The following SH3TC2 variants were observed in gnomAD, a reference collection of about 807,000 sequenced individuals.
SH3TC2 encodes SH3 domain and tetratricopeptide repeat-containing protein 2.
A neutral mutation model predicts 124.5 loss-of-function variants in SH3TC2; 87 were observed. That is an observed-to-expected ratio of 0.70 (90% CI 0.59 to 0.84). The LOEUF is 0.84. Among genes scored for constraint, SH3TC2 ranks in the 40% least tolerant of loss-of-function variants. SH3TC2 has a pLI of 0.00. For synonymous variants in SH3TC2, 634 were observed against 628.5 expected (o/e 1.01, Z -0.13); for missense variants, 1,536 against 1,566.4 (o/e 0.98, Z 0.33).
intron 1 of SH3TC2, among the ~76,000 whole-genome samples, chr5:149,053,702 C>T (rs1292611271): frequency 2.0e-5 from 3 of 152,216 alleles, no homozygotes; most frequent in African/African-American, 7.2e-5. Context: ...TTCACCTGTC[C>T]ACTTTGTGAG....
At chr5:149,008,426 C>A in intron 15 of SH3TC2, 1 of 224,692 alleles carries the variant, frequency 4.5e-6, no homozygotes, top group Non-Finnish European at 8.9e-6. Flanking sequence ...TAAAAATTAA[C>A]TAATTTAAAA....
rs578024597 is a variant in SH3TC2 at position 149,000,200 on chromosome 5, A to G, written c.*4511T>C. ...ATATATCATTTGCCCCTTTCCTGTC[A>G]CCCAGCTGAATCCCCACTTCCCTGA... On this transcript the variant is annotated 3_prime_UTR_variant, in exon 17 of 17. Coordinates refer to ENST00000515425, the MANE Select transcript of SH3TC2 (RefSeq NM_024577.4). 3.8e-4 allele frequency among the ~76,000 whole-genome samples: 58 copies of G among 152,058 alleles called. No homozygotes were observed. Among genetic ancestry groups the G allele is most frequent in the Non-Finnish European group, 6.2e-4 (42 of 68,008 alleles).
chr5:149,055,148 C>T (rs1754623763), intron 1 of SH3TC2, among the ~76,000 whole-genome samples: 1 of 151,954 alleles, frequency 6.6e-6, no homozygotes, highest in Non-Finnish European at 1.5e-5. Flanking sequence ...AAAAGTGCTA[C>T]CCTCAAAAGG....
rs1231225294 is a variant in SH3TC2, at chr5:149,003,449, T to TGAC, written c.*1259_*1261dup. ...CTCTGGCCAACAGCTAGCAAAAAAC[T>TGAC]GACTCCTAACAACAGCTGTGTGGGT... On this transcript the variant is annotated 3_prime_UTR_variant, in exon 17 of 17. Coordinates refer to ENST00000515425, the MANE Select transcript of SH3TC2 (RefSeq NM_024577.4). 6.4e-6 allele frequency: 1 copy of TGAC among 156,094 alleles called. No individual in the cohort carries two copies. The highest frequency in any genetic ancestry group is 1.9e-4 in the East Asian group (1 of 5,250). 9.7% of individuals were successfully genotyped at this position (156,094 alleles called of 1,614,324 possible).
Position 149,038,445 on chromosome 5 carries a change from T to TTTTCTCCTGGCTCATAACCCGTCAAGGCC in SH3TC2, c.822_850dup (p.Lys284ArgfsTer3), listed in dbSNP as rs1754319130. The stretch of plus-strand genomic sequence containing the variant: ...TCCCTGGTAGAAATTCAGTTCATCC[T>TTTTCTCCTGGCTCATAACCCGTCAAGGCC]TTTCTCCTGGCTCATAACCCGTCAA... On this transcript the variant is annotated stop_gained and frameshift_variant, in exon 8 of 17. Coordinates refer to ENST00000515425, the MANE Select transcript of SH3TC2 (RefSeq NM_024577.4). LOFTEE classifies it high-confidence loss of function. The TTTTCTCCTGGCTCATAACCCGTCAAGGCC allele has an allele frequency of 6.2e-7, 1 of 1,614,120 alleles. No homozygotes were observed. Among genetic ancestry groups the TTTTCTCCTGGCTCATAACCCGTCAAGGCC allele is most frequent in the South Asian group, 1.1e-5 (1 of 91,084 alleles).
Position 149,005,008 on chromosome 5 carries a change from G to C in SH3TC2, c.3676-106C>G, listed in dbSNP as rs957179039. On this transcript the variant is annotated intron_variant, in intron 16 of 16. Coordinates refer to ENST00000515425, the MANE Select transcript of SH3TC2 (RefSeq NM_024577.4). ...TCTAGTTTTTTTTGTTTGTTTGTTT[G>C]TTTGTTTGTTTGCCCAACATCCAAT... The C allele has an allele frequency of 6.8e-6, 9 of 1,324,960 alleles. No homozygotes were observed. In the African/African-American group the frequency reaches 1.2e-4, roughly 17 times the overall value. 82.1% of individuals were successfully genotyped at this position (1,324,960 alleles called of 1,614,324 possible). A position where few individuals can be genotyped will look rare whatever the true frequency, so the allele number is the denominator to read the frequency against.
intron 9 of SH3TC2, among the ~76,000 whole-genome samples, chr5:149,031,206 C>G (rs79031600): frequency 0.033 from 5,075 of 152,126 alleles, 397 homozygotes; most frequent in East Asian, 0.19. Context: ...ACAGCCCCAC[C>G]CATCTCACTG....
At chr5:149,041,858 T>C (rs964591735) in intron 5 of SH3TC2, among the ~76,000 whole-genome samples, 3 of 152,074 alleles carry the variant, frequency 2.0e-5, no homozygotes, top group African/African-American at 2.4e-5. Context: ...TAATAATCTA[T>C]GAGAAAAAGG....
intron 12 of SH3TC2, among the ~76,000 whole-genome samples, chr5:149,016,012 G>T (rs1025461566): frequency 1.3e-5 from 2 of 152,130 alleles, no homozygotes; most frequent in African/African-American, 4.8e-5. Flanking sequence ...AAGTTTTCCT[G>T]CACATTTCTA....
At chr5:149,010,145 C>A in intron 14 of SH3TC2, 125 bp downstream of exon 14, 1 of 1,378,932 alleles carries the variant, frequency 7.3e-7, no homozygotes, top group Non-Finnish European at 1.0e-6. Context: ...GGGCACTGGA[C>A]AAGAAAGAGA....
chr5:149,056,172 T>C (rs542214515), intron 1 of SH3TC2, among the ~76,000 whole-genome samples: 1 of 152,250 alleles, frequency 6.6e-6, no homozygotes, highest in South Asian at 2.1e-4. Context: ...GGTAAACTTA[T>C]ATCATGGAGG....
In SH3TC2 at chr5:148,983,313, G is replaced by A. The variant is rs566990245; in HGVS notation, c.*21398C>T. 6.6e-6 allele frequency among the ~76,000 whole-genome samples: 1 copy of A among 152,282 alleles called. No individual in the cohort carries two copies. Among genetic ancestry groups the A allele is most frequent in the East Asian group, 1.9e-4 (1 of 5,180 alleles). On this transcript the variant is annotated 3_prime_UTR_variant, in exon 17 of 17. Transcript: ENST00000515425. ...CACTCTCTCCATCTCTCTGAAGAGG[G>A]GCACCTGGGTGTCATGAATACACCT...
rs1277722621 is a variant in SH3TC2, at chr5:148,997,886, T to C, written c.*6825A>G. Among the ~76,000 whole-genome samples, 1 of 152,218 alleles carries C rather than the reference T, an allele frequency of 6.6e-6. No homozygotes were observed. The highest frequency in any genetic ancestry group is 2.4e-5 in the African/African-American group (1 of 41,454). On this transcript the variant is annotated 3_prime_UTR_variant, in exon 17 of 17. Transcript: ENST00000515425. ...CACAAAGGTTTTGCATGAGACTTAA[T>C]GCATAAAACACATTAACCTCAACTG...
rs571402125 is a variant in SH3TC2, at chr5:149,047,491, T to C, written c.279+371A>G. The C allele has an allele frequency of 1.3e-5, 4 of 309,638 alleles. No homozygotes were observed. In the Admixed American group the frequency reaches 1.3e-4, roughly 10 times the overall value. 19.2% of individuals were successfully genotyped at this position (309,638 alleles called of 1,614,324 possible). A position where few individuals can be genotyped will look rare whatever the true frequency, so the allele number is the denominator to read the frequency against. ...AATGGAAAATTTTATGTTATGTATA[T>C]TGTATCACAGTAAAAAAAAAGAATT... On this transcript the variant is annotated intron_variant, in intron 3 of 16. Transcript: ENST00000515425.
Position 148,990,273 on chromosome 5 carries a change from C to T in SH3TC2, c.*14438G>A, listed in dbSNP as rs1330209698. On this transcript the variant is annotated 3_prime_UTR_variant, in exon 17 of 17. Coordinates refer to ENST00000515425, the MANE Select transcript of SH3TC2 (RefSeq NM_024577.4). ...ATTCATAGTAAGATGACAAACTGTT[C>T]CTCTTTAGAAGTACAGATATATGCC... Among the ~76,000 whole-genome samples the T allele has an allele frequency of 6.6e-6, 1 of 152,038 alleles. No homozygotes were observed.
At chr5:149,032,399 A>T (rs772974339) in intron 8 of SH3TC2, among the ~76,000 whole-genome samples, 10 of 152,228 alleles carry the variant, frequency 6.6e-5, no homozygotes, top group Admixed American at 1.3e-4. Context: ...TATAGAATTA[A>T]ATAATAAAAA....
At chr5:149,029,087 T>C (rs1176094931) in intron 9 of SH3TC2, among the ~76,000 whole-genome samples, 1 of 152,024 alleles carries the variant, frequency 6.6e-6, no homozygotes, top group Non-Finnish European at 1.5e-5. Context: ...CTCCCAAATC[T>C]CTCAGCGAGT....
In SH3TC2 at chr5:148,985,326, A is replaced by G. The variant is rs1307818118; in HGVS notation, c.*19385T>C. ...TGCATTCAATGCCATCACTACTACAATCAAGATATAGAACAGCTCCATCAC... is the reference window on the plus strand; with the variant it reads ...TGCATTCAATGCCATCACTACTACAGTCAAGATATAGAACAGCTCCATCAC... On this transcript the variant is annotated 3_prime_UTR_variant, in exon 17 of 17. Transcript: ENST00000515425. 6.6e-6 allele frequency among the ~76,000 whole-genome samples: 1 copy of G among 152,164 alleles called. No homozygotes were observed. Among genetic ancestry groups the G allele is most frequent in the Non-Finnish European group, 1.5e-5 (1 of 68,020 alleles).
chr5:149,049,795 A>T (rs556699365), intron 2 of SH3TC2, among the ~76,000 whole-genome samples: 2 of 152,202 alleles, frequency 1.3e-5, no homozygotes, highest in Admixed American at 6.5e-5. Flanking sequence ...GGAAAAAAAA[A>T]AAAGCTTCCT....
Sources: allele counts gnomAD v4.1 joint callset (sites outside exome capture counted in the v4.1 genomes callset), GRCh38; gene constraint gnomAD v4.1.1; transcripts MANE v1.5; gene names NCBI Gene and HGNC (gene_info 2026-07-23, HGNC 2026-07-21).